The following TMEM116 variants were observed in gnomAD, a reference collection of about 807,000 sequenced individuals.
TMEM116 encodes the protein transmembrane protein 116.
In TMEM116, 38 loss-of-function variants were observed where a neutral mutation model predicts 44.3. That is an observed-to-expected ratio of 0.86 (90% CI 0.66 to 1.12). The LOEUF (loss-of-function observed/expected upper bound fraction) is 1.12, where lower values mean the gene tolerates loss of function less well. Among genes scored for constraint, TMEM116 ranks in the 50% most tolerant of loss-of-function variants. The probability of loss-of-function intolerance (pLI) is 0.00; values close to 1 mark genes in which losing one functional copy is unlikely to be tolerated. For synonymous variants in TMEM116, 132 were observed against 144.8 expected (o/e 0.91, Z 0.64); for missense variants, 354 against 401.7 (o/e 0.88, Z 1.01).
chr12:112,005,712 G>C (rs1376788395), intron 1 of TMEM116: 2 of 984,698 alleles, frequency 2.0e-6, no homozygotes, highest in Admixed American at 1.2e-4. Context: ...ACAAAATGTA[G>C]AGTGGGTAGA....
At chr12:111,937,033 G>T in intron 7 of TMEM116, 127 bp downstream of exon 7, 1 of 1,036,280 alleles carries the variant, frequency 9.6e-7, no homozygotes, top group Non-Finnish European at 1.4e-6. Context: ...ACTACATCTT[G>T]TTCCTTAGCC....
At chr12:111,989,904 C>T (rs950871342) in intron 4 of TMEM116, among the ~76,000 whole-genome samples, 1 of 152,142 alleles carries the variant, frequency 6.6e-6, no homozygotes, top group Non-Finnish European at 1.5e-5. Context: ...ACTGATCAAG[C>T]TGTACACCAT....
At chr12:111,995,034 T>C (rs1325570643) in intron 3 of TMEM116, among the ~76,000 whole-genome samples, 1 of 152,208 alleles carries the variant, frequency 6.6e-6, no homozygotes, top group East Asian at 1.9e-4. Context: ...CGTCCGTTTA[T>C]AGGCTCTCTG....
intron 4 of TMEM116, among the ~76,000 whole-genome samples, chr12:111,988,556 GGGCATAGT>G (rs1191412654): frequency 5.3e-5 from 8 of 151,536 alleles, no homozygotes; most frequent in African/African-American, 1.9e-4. Flanking sequence ...AAAATTAGCC[GGGCATAGT>G]GGCGCATGCC....
chr12:111,964,755 G>A (rs1018576889), intron 4 of TMEM116, among the ~76,000 whole-genome samples: 2 of 152,180 alleles, frequency 1.3e-5, no homozygotes, highest in African/African-American at 4.8e-5. Flanking sequence ...TAGTGTGATC[G>A]CAACTCACTG....
At chr12:111,989,883 C>T (rs1329994836) in intron 4 of TMEM116, among the ~76,000 whole-genome samples, 9 of 152,066 alleles carry the variant, frequency 5.9e-5, no homozygotes, top group Non-Finnish European at 1.0e-4. Context: ...CAGGGGAATA[C>T]ATATGTAAAA....
intron 4 of TMEM116, among the ~76,000 whole-genome samples, chr12:111,946,517 G>A (rs1050584232): frequency 6.6e-6 from 1 of 152,224 alleles, no homozygotes; most frequent in Non-Finnish European, 1.5e-5. Context: ...TCAGGATATT[G>A]TTTGTGGTTT....
At chr12:111,932,490 C>G in intron 10 of TMEM116, 96 bp downstream of exon 10, 1 of 1,026,220 alleles carries the variant, frequency 9.7e-7, no homozygotes, top group South Asian at 1.3e-5. Context: ...GTAGAAGTAC[C>G]CGGAGGGAAA....
At chr12:112,006,030 G>A (rs2077566421) in intron 1 of TMEM116, 2 of 977,422 alleles carry the variant, frequency 2.0e-6, no homozygotes, top group Middle Eastern at 5.3e-4. Context: ...TTGAGCAGCC[G>A]ATCCTTCCTA....
At chr12:111,968,992 C>CAAAAAAAAAAA (rs1176204219) in intron 4 of TMEM116, among the ~76,000 whole-genome samples, 16 of 45,050 alleles carry the variant, frequency 3.6e-4, no homozygotes, top group South Asian at 6.9e-4. Flanking sequence ...GACTCTATCT[C>CAAAAAAAAAAA]AAAAAAAAAA....
intron 9 of TMEM116, among the ~76,000 whole-genome samples, chr12:111,932,962 C>T (rs936997637): frequency 1.3e-5 from 2 of 152,276 alleles, no homozygotes; most frequent in Non-Finnish European, 2.9e-5. Flanking sequence ...CCAATCTGGG[C>T]GGGCGCAGTG....
intron 1 of TMEM116, among the ~76,000 whole-genome samples, chr12:112,007,767 C>G (rs985607917): frequency 7.2e-5 from 11 of 152,316 alleles, no homozygotes; most frequent in African/African-American, 2.2e-4. Flanking sequence ...CCAAATTAGT[C>G]TGCTGCTCTT....
At chr12:111,965,713 C>A in intron 4 of TMEM116, 1 of 402,486 alleles carries the variant, frequency 2.5e-6, no homozygotes. Context: ...CACTTGAGGT[C>A]AGGCATTCAG....
At position 111,936,785 on chromosome 12, in the gene TMEM116, T is replaced by C. The variant is rs760640301; in HGVS notation, c.495A>G (p.Pro165=). 6.8e-6 allele frequency: 11 copies of C among 1,612,376 alleles called. No homozygotes were observed. In the African/African-American group the frequency reaches 1.3e-4, roughly 20 times the overall value. ...HSPPSAMAEL[P]PSANTSVCST... The stretch of plus-strand genomic sequence containing the variant: ...TACAGACAGATGTGTTGGCAGAAGG[T>C]GGAAGTTCAGCCATGGCTGATGGTG... Residue 165 remains proline (P), a synonymous_variant, in exon 8 of 11, where the codon CCA becomes CCG. Transcript: ENST00000552374.
chr12:111,987,111 C>A (rs1257204056), intron 4 of TMEM116, among the ~76,000 whole-genome samples: 1 of 151,996 alleles, frequency 6.6e-6, no homozygotes, highest in Non-Finnish European at 1.5e-5. Context: ...AGGCAGCCTA[C>A]AGAATGGGAG....
At chr12:111,933,425 A>G (rs1266920227) in intron 9 of TMEM116, among the ~76,000 whole-genome samples, 2 of 151,946 alleles carry the variant, frequency 1.3e-5, no homozygotes, top group Non-Finnish European at 2.9e-5. Flanking sequence ...GGTAGTAAAA[A>G]CTGGAAATAT....
At chr12:111,960,999 C>T (rs544336975) in intron 4 of TMEM116, among the ~76,000 whole-genome samples, 1 of 152,280 alleles carries the variant, frequency 6.6e-6, no homozygotes, top group Admixed American at 6.5e-5. Flanking sequence ...GATGTCACCA[C>T]TGATCCCACA....
chr12:111,991,724 T>C, intron 4 of TMEM116, 34 bp downstream of exon 4: 1 of 1,526,534 alleles, frequency 6.6e-7, no homozygotes, highest in Non-Finnish European at 8.8e-7. Context: ...TGTGCCTTTC[T>C]TGCAAGGTGC....
chr12:111,960,844 G>C (rs1001980669), intron 4 of TMEM116, among the ~76,000 whole-genome samples: 4 of 152,072 alleles, frequency 2.6e-5, no homozygotes, highest in Non-Finnish European at 5.9e-5. Flanking sequence ...AACTGACGGA[G>C]ATAGAGACAG....
Sources: gnomAD v4.1 joint callset for allele counts (sites outside exome capture counted in the v4.1 genomes callset) on GRCh38, gnomAD v4.1.1 for gene constraint, MANE v1.5 for transcripts, NCBI Gene and HGNC (gene_info 2026-07-23, HGNC 2026-07-21) for gene names.